GRK4: variants seen among roughly 807,000 people sequenced by gnomAD.
GRK4 encodes G protein-coupled receptor kinase 4, also known as G protein-coupled receptor kinase 2-like.
A neutral mutation model predicts 77.9 loss-of-function variants in GRK4; 73 were observed. The observed-to-expected ratio is 0.94, with a 90% CI of 0.78 to 1.14. GRK4 has a LOEUF of 1.14. Ranked by LOEUF, GRK4 falls within the 50% of genes most tolerant of loss-of-function variation. The pLI, the probability that GRK4 is intolerant of heterozygous loss-of-function variation, is 0.00. For synonymous variants in GRK4, 257 were observed against 254.4 expected, an observed-to-expected ratio of 1.01 and a Z score of -0.10; for missense variants, 729 against 700.2, an observed-to-expected ratio of 1.04 and a Z score of -0.46.
intron 12 of GRK4, among the ~76,000 whole-genome samples, chr4:3,030,233 G>A (rs1441728395): frequency 2.0e-5 from 3 of 152,162 alleles, no homozygotes; most frequent in Admixed American, 6.5e-5. Flanking sequence ...TGGCACCCGC[G>A]AGTCACAGCA....
chr4:2,971,628 C>T (rs1719570650), intron 1 of GRK4, among the ~76,000 whole-genome samples: 1 of 152,186 alleles, frequency 6.6e-6, no homozygotes, highest in South Asian at 2.1e-4. Flanking sequence ...TTTGCTAGGG[C>T]TGTGTAACAA....
At chr4:2,974,957 C>A (rs1186267587) in intron 1 of GRK4, among the ~76,000 whole-genome samples, 3 of 152,198 alleles carry the variant, frequency 2.0e-5, no homozygotes, top group Non-Finnish European at 2.9e-5. Flanking sequence ...CCTCTAGCCA[C>A]CAAATATCCA....
chr4:2,973,790 T>C (rs1266960150), intron 1 of GRK4, among the ~76,000 whole-genome samples: 2 of 152,186 alleles, frequency 1.3e-5, no homozygotes, highest in Non-Finnish European at 2.9e-5. Context: ...CCTATTAAAA[T>C]TTAAGCCAGA....
Position 3,040,759 on chromosome 4 carries a change from A to G in GRK4, c.*134A>G. 6.9e-6 allele frequency: 3 copies of G among 432,066 alleles called. No homozygotes were observed. The highest frequency in any genetic ancestry group is 1.1e-5 in the Non-Finnish European group (3 of 269,198). The allele number at this position is 432,066 out of a possible 1,614,324, so 26.8% of individuals were successfully genotyped here. A position where few individuals can be genotyped will look rare whatever the true frequency, so the allele number is the denominator to read the frequency against. On this transcript the variant is annotated 3_prime_UTR_variant, in exon 16 of 16. Coordinates refer to ENST00000398052, the MANE Select transcript of GRK4 (RefSeq NM_182982.3). ...GGGAGTGTACAGACCTTTCTGCACT[A>G]ATACCTGAGTTGTCTTTTCACTAAA...
intron 4 of GRK4, among the ~76,000 whole-genome samples, chr4:3,001,969 G>A (rs1185270302): frequency 6.6e-6 from 1 of 152,188 alleles, no homozygotes; most frequent in Non-Finnish European, 1.5e-5. Flanking sequence ...TTTGTCATGT[G>A]TTTCCTTTTT....
At position 3,016,729 on chromosome 4, in the gene GRK4, C is replaced by T. The variant is rs182638659; in HGVS notation, c.741+2901C>T. Among the ~76,000 whole-genome samples, 746 of 149,598 alleles carry T rather than the reference C, an allele frequency of 5.0e-3. 6 individuals are homozygous for T. Among genetic ancestry groups the T allele is most frequent in the African/African-American group, 0.018 (720 of 40,878 alleles). On this transcript the variant is annotated intron_variant, in intron 8 of 15. Transcript: ENST00000398052. ...ACAAAGCAAAACAAAAAAAAAAATACAAAAAAACAAAACAAAAAAAACCCC... is the reference window on the plus strand; with the variant it reads ...ACAAAGCAAAACAAAAAAAAAAATATAAAAAAACAAAACAAAAAAAACCCC...
chr4:3,009,536 C>G (rs539585768), intron 6 of GRK4, 112 bp from the exon 7 acceptor site: 89 of 749,530 alleles, frequency 1.2e-4, no homozygotes, highest in African/African-American at 1.1e-3. Flanking sequence ...CGGGCATCCC[C>G]TTTGAGCAGA....
intron 2 of GRK4, among the ~76,000 whole-genome samples, chr4:2,986,352 A>ATTTTTTTTTT (rs1560381271): frequency 4.1e-5 from 3 of 73,990 alleles, no homozygotes; most frequent in African/African-American, 1.7e-4. Flanking sequence ...AAAAGGTGTT[A>ATTTTTTTTTT]TCTTTTTTTT....
intron 7 of GRK4, among the ~76,000 whole-genome samples, chr4:3,010,373 T>C (rs1330937243): frequency 2.6e-5 from 4 of 152,132 alleles, no homozygotes; most frequent in Admixed American, 6.5e-5. Flanking sequence ...ATTACAGGCA[T>C]GCGCCACCAC....
intron 10 of GRK4, among the ~76,000 whole-genome samples, chr4:3,023,349 G>GCTCACA (rs1736587746): frequency 6.6e-6 from 1 of 152,218 alleles, no homozygotes. Context: ...TGCTGGGAGA[G>GCTCACA]AGCTTCTTTC....
chr4:3,035,210 A>G (rs959482912), intron 12 of GRK4, among the ~76,000 whole-genome samples, 176 bp from the exon 13 acceptor site: 7 of 151,624 alleles, frequency 4.6e-5, no homozygotes, highest in African/African-American at 1.7e-4. Context: ...GCACCACTGC[A>G]CTCCAGCCTG....
intron 10 of GRK4, among the ~76,000 whole-genome samples, chr4:3,025,199 A>T (rs1737108440): frequency 7.0e-6 from 1 of 142,522 alleles, no homozygotes; most frequent in Admixed American, 7.3e-5. Context: ...TGAACCTGGG[A>T]GGCGGAGGTT....
At chr4:2,965,787 C>T (rs1249331198) in intron 1 of GRK4, 1 of 330,286 alleles carries the variant, frequency 3.0e-6, no homozygotes, top group African/African-American at 2.1e-5. Flanking sequence ...ATCTTTTTCC[C>T]TTAAGATAAT....
chr4:3,034,993 C>G (rs191535211), intron 12 of GRK4, among the ~76,000 whole-genome samples: 17 of 152,068 alleles, frequency 1.1e-4, no homozygotes, highest in Admixed American at 4.6e-4. Context: ...CGCGGTGGCT[C>G]ACGACTGTAA....
intron 2 of GRK4, 145 bp from the exon 3 acceptor site, chr4:2,988,576 AAACAAC>A (rs1553879888): frequency 4.0e-6 from 2 of 500,044 alleles, no homozygotes; most frequent in Non-Finnish European, 7.5e-6. Flanking sequence ...TGTCTGAAAC[AAACAAC>A]AACAACAACA....
intron 8 of GRK4, among the ~76,000 whole-genome samples, chr4:3,017,064 G>T (rs1734765317): frequency 2.0e-5 from 3 of 152,226 alleles, no homozygotes; most frequent in Non-Finnish European, 4.4e-5. Context: ...GCCCCTCACA[G>T]TCTGTTCTCC....
rs530282335 is a variant in GRK4, at chr4:2,974,665, C to G, written c.53-9848C>G. Among the ~76,000 whole-genome samples, 46 of 152,270 alleles carry G rather than the reference C, an allele frequency of 3.0e-4. No homozygotes were observed. In the South Asian group the frequency reaches 9.3e-3, roughly 31 times the overall value. ...TGGTCCAACCCTGGAAGTGGGTACA[C>G]CCGTTTTTGGTTGTTTTTTATTCTG... On this transcript the variant is annotated intron_variant, in intron 1 of 15. Transcript: ENST00000398052.
chr4:2,981,420 G>A (rs1312092057), intron 1 of GRK4, among the ~76,000 whole-genome samples: 2 of 152,202 alleles, frequency 1.3e-5, no homozygotes, highest in Non-Finnish European at 2.9e-5. Flanking sequence ...ACCCAAAATG[G>A]GTAGCTCCTT....
At chr4:3,039,621 C>T (rs1402427716) in intron 15 of GRK4, among the ~76,000 whole-genome samples, 2 of 148,144 alleles carry the variant, frequency 1.4e-5, no homozygotes, top group Admixed American at 1.4e-4. Context: ...TCGCTTGAAC[C>T]TGGGAGGCGG....
Sources: gnomAD v4.1 joint callset for allele counts (sites outside exome capture counted in the v4.1 genomes callset) on GRCh38, gnomAD v4.1.1 for gene constraint, MANE v1.5 for transcripts, NCBI Gene and HGNC (gene_info 2026-07-23, HGNC 2026-07-21) for gene names.